The following VPS13B variants were observed in gnomAD, a reference collection of about 807,000 sequenced individuals.
The protein encoded by VPS13B is intermembrane lipid transfer protein VPS13B.
VPS13B carries 285 observed loss-of-function variants against 426.4 expected under a neutral mutation model. The ratio of observed to expected loss-of-function variants is 0.67; its 90% CI spans 0.61 to 0.74. The LOEUF (loss-of-function observed/expected upper bound fraction) is 0.74. Among genes scored for constraint, VPS13B ranks in the 30% least tolerant of loss-of-function variants. The pLI is 0.00. For synonymous variants in VPS13B, 1,676 were observed against 1,676.4 expected (o/e 1.00, Z 0.01); for missense variants, 4,537 against 4,782.6 (o/e 0.95, Z 1.51).
intron 12 of VPS13B, among the ~76,000 whole-genome samples, chr8:99,140,617 C>T (rs979391738): frequency 9.4e-5 from 14 of 149,240 alleles, no homozygotes; most frequent in Non-Finnish European, 1.3e-4. Flanking sequence ...TTCTCTTCTC[C>T]TCCTCTCCTT....
chr8:99,781,033 TA>T (rs1362823124), intron 42 of VPS13B, among the ~76,000 whole-genome samples: 2 of 152,198 alleles, frequency 1.3e-5, no homozygotes, highest in Non-Finnish European at 2.9e-5. Flanking sequence ...GTTCTCCACA[TA>T]CCTTTTATCG....
intron 31 of VPS13B, among the ~76,000 whole-genome samples, chr8:99,574,133 T>G (rs1176487938): frequency 3.3e-5 from 5 of 152,202 alleles, no homozygotes; most frequent in African/African-American, 1.2e-4. Flanking sequence ...ATGCTTGTGA[T>G]TTTTGCACAT....
At chr8:99,449,655 T>G (rs954233020) in intron 23 of VPS13B, among the ~76,000 whole-genome samples, 4 of 152,100 alleles carry the variant, frequency 2.6e-5, no homozygotes, top group Non-Finnish European at 5.9e-5. Flanking sequence ...GGAAAAACTG[T>G]GAGGCACTAG....
At chr8:99,066,636 G>A (rs1844534493) in intron 3 of VPS13B, among the ~76,000 whole-genome samples, 2 of 152,144 alleles carry the variant, frequency 1.3e-5, no homozygotes, top group Non-Finnish European at 2.9e-5. Flanking sequence ...GGCAACAAAG[G>A]CCAAAATAGA....
chr8:99,256,287 G>T (rs572157668), intron 17 of VPS13B, among the ~76,000 whole-genome samples: 47 of 152,086 alleles, frequency 3.1e-4, no homozygotes, highest in Non-Finnish European at 5.4e-4. Context: ...ACCACATTTT[G>T]CTTATTTATT....
At chr8:99,807,792 C>T (rs527756528) in intron 43 of VPS13B, among the ~76,000 whole-genome samples, 2 of 145,970 alleles carry the variant, frequency 1.4e-5, no homozygotes, top group East Asian at 2.0e-4. Context: ...ACTGGCAGTG[C>T]GTGGAGGAAG....
At chr8:99,533,226 G>A (rs528590226) in intron 30 of VPS13B, among the ~76,000 whole-genome samples, 7 of 151,972 alleles carry the variant, frequency 4.6e-5, no homozygotes, top group Admixed American at 6.6e-5. Context: ...GGCATGAGCC[G>A]TCGTACCTGG....
At chr8:99,695,548 T>G (rs1373057543) in intron 35 of VPS13B, among the ~76,000 whole-genome samples, 2 of 60,302 alleles carry the variant, frequency 3.3e-5, no homozygotes, top group Admixed American at 2.5e-4. Flanking sequence ...GGGACTGTGG[T>G]GGGGTGGGGG....
chr8:99,358,795 T>C (rs901868477), intron 19 of VPS13B, among the ~76,000 whole-genome samples: 12 of 152,192 alleles, frequency 7.9e-5, no homozygotes, highest in African/African-American at 2.9e-4. Context: ...ATATAGATCT[T>C]GATAACCAGG....
intron 35 of VPS13B, among the ~76,000 whole-genome samples, chr8:99,680,221 A>G (rs1347051541): frequency 1.3e-5 from 2 of 152,192 alleles, no homozygotes; most frequent in Non-Finnish European, 2.9e-5. Context: ...AATGTAAGTA[A>G]TATGATGACT....
At chr8:99,525,976 G>C (rs971682288) in intron 30 of VPS13B, among the ~76,000 whole-genome samples, 2 of 152,106 alleles carry the variant, frequency 1.3e-5, no homozygotes, top group Admixed American at 1.3e-4. Flanking sequence ...CATATAGGTC[G>C]TTGTGTGGAC....
intron 19 of VPS13B, among the ~76,000 whole-genome samples, chr8:99,360,132 T>C (rs1175517310): frequency 4.3e-5 from 1 of 23,404 alleles, no homozygotes; most frequent in Admixed American, 4.4e-4. Context: ...CTTTCTTTCT[T>C]TCTTTCTTTC....
chr8:99,772,259 T>C (rs1811538863), intron 40 of VPS13B, among the ~76,000 whole-genome samples: 1 of 152,150 alleles, frequency 6.6e-6, no homozygotes, highest in Non-Finnish European at 1.5e-5. Flanking sequence ...TGAAGGCTCA[T>C]TTAAGGTTAT....
At chr8:99,085,137 C>T (rs987087346) in intron 3 of VPS13B, among the ~76,000 whole-genome samples, 3 of 152,090 alleles carry the variant, frequency 2.0e-5, no homozygotes, top group Admixed American at 6.6e-5. Context: ...CTGGGTGCTC[C>T]TTTATTGGGT....
Position 99,556,885 on chromosome 8 carries a change from G to GA in VPS13B, c.4949+241dup, listed in dbSNP as rs5893492. The stretch of plus-strand genomic sequence containing the variant: ...ACAAATTTAGGATTATGTTAGCATA[G>GA]AAAAAAAAAGCTTACTATTTATTGA... On this transcript the variant is annotated intron_variant, in intron 31 of 61. Transcript: ENST00000357162. 0.21 allele frequency among the ~76,000 whole-genome samples: 30,939 copies of GA among 150,578 alleles called. 3,671 individuals carry two copies. Among genetic ancestry groups the GA allele is most frequent in the East Asian group, 0.39 (1,970 of 5,110 alleles).
At chr8:99,098,701 CTG>C (rs1465141190) in intron 4 of VPS13B, among the ~76,000 whole-genome samples, 1 of 152,038 alleles carries the variant, frequency 6.6e-6, no homozygotes, top group Non-Finnish European at 1.5e-5. Flanking sequence ...CTAAATTACT[CTG>C]TGGAAAGTTT....
chr8:99,447,854 G>C (rs1436354855), intron 23 of VPS13B, among the ~76,000 whole-genome samples: 1 of 151,666 alleles, frequency 6.6e-6, no homozygotes, highest in Admixed American at 6.6e-5. Flanking sequence ...TTTTAAAGAT[G>C]ATGTGACACT....
At chr8:99,462,251 T>C (rs999092290) in intron 23 of VPS13B, among the ~76,000 whole-genome samples, 1 of 152,010 alleles carries the variant, frequency 6.6e-6, no homozygotes, top group Non-Finnish European at 1.5e-5. Flanking sequence ...ATAAACTCTT[T>C]ATTTTCTCCA....
chr8:99,282,977 C>A (rs1196616107), intron 19 of VPS13B, among the ~76,000 whole-genome samples: 1 of 152,130 alleles, frequency 6.6e-6, no homozygotes, highest in Non-Finnish European at 1.5e-5. Context: ...TTAACTGTTA[C>A]ATTGGGAGGT....
Sources: allele counts gnomAD v4.1 joint callset (sites outside exome capture counted in the v4.1 genomes callset), GRCh38; gene constraint gnomAD v4.1.1; transcripts MANE v1.5; gene names NCBI Gene and HGNC (gene_info 2026-07-23, HGNC 2026-07-21).